Variants in ROBO2 observed in about 807,000 individuals in gnomAD.
ROBO2 encodes the protein roundabout guidance receptor 2.
Under a neutral mutation model 160.8 loss-of-function variants are expected in ROBO2, and 53 were observed. That is an observed-to-expected ratio of 0.33 (90% confidence interval 0.26 to 0.41). The LOEUF (loss-of-function observed/expected upper bound fraction) is 0.41, where lower values mean the gene tolerates loss of function less well. ROBO2 is among the 10% of genes least tolerant of loss of function. ROBO2 has a pLI of 1.00. For missense variants in ROBO2, 1,577 were observed against 1,722.4 expected (o/e 0.92, Z 1.49); for synonymous variants, 664 against 611.7 (o/e 1.09, Z -1.26).
chr3:75,960,565 G>A (rs1482670503), intron 2 of ROBO2, among the ~76,000 whole-genome samples: 3 of 151,512 alleles, frequency 2.0e-5, no homozygotes, highest in Non-Finnish European at 1.5e-5. Flanking sequence ...AAATTTTCTC[G>A]ACATTTTTGT....
chr3:76,445,811 A>T (rs1286722897), intron 2 of ROBO2, among the ~76,000 whole-genome samples: 1 of 152,144 alleles, frequency 6.6e-6, no homozygotes, highest in Non-Finnish European at 1.5e-5. Flanking sequence ...TCAACAGATG[A>T]AGAAAAGGCC....
At position 76,646,600 on chromosome 3, in the gene ROBO2, T is replaced by C. The variant is rs369850347; in HGVS notation, c.110-451414T>C. 7.2e-4 allele frequency among the ~76,000 whole-genome samples: 110 copies of C among 152,294 alleles called. 1 individual carries two copies. In the South Asian group the frequency reaches 8.5e-3, roughly 12 times the overall value. On this transcript the variant is annotated intron_variant, in intron 2 of 26. Coordinates refer to the ROBO2 transcript ENST00000487694. ...AATATGAATATGCAATTAAAGTATT[T>C]AGCACAATTCCTAACACAGAGTAAA...
chr3:77,457,114 C>A (rs561282675), intron 2 of ROBO2, among the ~76,000 whole-genome samples: 1 of 152,144 alleles, frequency 6.6e-6, no homozygotes, highest in South Asian at 2.1e-4. Flanking sequence ...CTATTAGCCC[C>A]GCTTGAGTAG....
At chr3:77,036,852 G>A (rs2063665995), upstream of ROBO2, among the ~76,000 whole-genome samples, 1 of 151,630 alleles carries the variant, frequency 6.6e-6, no homozygotes. Context: ...TTTGGCTTAA[G>A]GAAAACCTTA....
intron 2 of ROBO2, among the ~76,000 whole-genome samples, chr3:76,132,159 A>G (rs1055925461): frequency 2.0e-5 from 3 of 152,054 alleles, no homozygotes; most frequent in Non-Finnish European, 4.4e-5. Flanking sequence ...CCGCACAGGG[A>G]AGAGGCACAT....
chr3:77,485,817 A>C (rs2085284040), intron 4 of ROBO2, among the ~76,000 whole-genome samples: 1 of 152,142 alleles, frequency 6.6e-6, no homozygotes, highest in Non-Finnish European at 1.5e-5. Flanking sequence ...CATGTGCAGG[A>C]TGTGTAGGTT....
At position 77,506,596 on chromosome 3, in the gene ROBO2, T is replaced by C. The variant is rs887741146; in HGVS notation, c.806+13214T>C. On this transcript the variant is annotated intron_variant, in intron 5 of 25. Transcript: ENST00000461745. ...CCACATTTGGGAGATTGGGTGCTAC[T>C]GGCATCTAGTGGGTAGACACCAAGA... Among the ~76,000 whole-genome samples, 31 of 152,172 alleles carry C rather than the reference T, an allele frequency of 2.0e-4. 1 individual carries two copies. The highest frequency in any genetic ancestry group is 2.0e-3 in the Admixed American group (31 of 15,260).
intron 2 of ROBO2, among the ~76,000 whole-genome samples, chr3:76,331,927 GC>G (rs964887590): frequency 6.6e-6 from 1 of 151,910 alleles, no homozygotes; most frequent in African/African-American, 2.4e-5. Context: ...CAGGTGATCC[GC>G]CCAGCTCGAC....
chr3:76,559,951 G>A (rs1414262234), intron 2 of ROBO2, among the ~76,000 whole-genome samples: 1 of 152,118 alleles, frequency 6.6e-6, no homozygotes, highest in Non-Finnish European at 1.5e-5. Context: ...TGGACTCTGT[G>A]CAGTTTTCCA....
intron 2 of ROBO2, among the ~76,000 whole-genome samples, chr3:76,440,913 C>T (rs1209667450): frequency 6.6e-6 from 1 of 151,050 alleles, no homozygotes; most frequent in East Asian, 1.9e-4. Context: ...TGGCATGTGG[C>T]AATGTTTCTT....
rs944417831 is a variant in ROBO2, at chr3:77,300,309, T to G, written c.389-177105T>G. 3.3e-5 allele frequency among the ~76,000 whole-genome samples: 5 copies of G among 152,142 alleles called. No homozygotes were observed. The East Asian group carries it at 9.7e-4, about 29-fold the overall frequency. On this transcript the variant is annotated intron_variant, in intron 2 of 25. Coordinates refer to ENST00000461745, the Ensembl canonical transcript of ROBO2. ...AGAAAGAGTTATTTGGAGAGTTGATTTAGTTTATAGAGCAGCTACTCAGAA... is the reference window on the plus strand; with the variant it reads ...AGAAAGAGTTATTTGGAGAGTTGATGTAGTTTATAGAGCAGCTACTCAGAA...
At chr3:76,363,294 C>G (rs766133105) in intron 2 of ROBO2, among the ~76,000 whole-genome samples, 5 of 151,910 alleles carry the variant, frequency 3.3e-5, no homozygotes, top group Admixed American at 2.6e-4. Flanking sequence ...CATCTTGAAC[C>G]TCTAGCACAG....
At chr3:77,134,178 A>G (rs935020262) in intron 2 of ROBO2, among the ~76,000 whole-genome samples, 9 of 150,486 alleles carry the variant, frequency 6.0e-5, no homozygotes, top group Non-Finnish European at 1.2e-4. Flanking sequence ...CTTTGGCTCA[A>G]AAAAAAAAGG....
At chr3:77,217,270 G>A (rs2085102356) in intron 2 of ROBO2, among the ~76,000 whole-genome samples, 1 of 152,024 alleles carries the variant, frequency 6.6e-6, no homozygotes, top group Admixed American at 6.6e-5. Context: ...AGCCTCCCAA[G>A]TAGCTAAGAC....
chr3:76,055,668 G>A (rs1362152091), intron 2 of ROBO2, among the ~76,000 whole-genome samples: 1 of 152,168 alleles, frequency 6.6e-6, no homozygotes, highest in Non-Finnish European at 1.5e-5. Context: ...CAAAGGGCAT[G>A]ATTTTATTAT....
In ROBO2 at chr3:76,757,811, G is replaced by A. The variant is rs149799304; in HGVS notation, c.110-340203G>A. Reference sequence around the variant, plus strand: ...ACAGAGTTCACTCAGAAGAGGTGAGGAAGAGGAAATGAGGACTAAAACTTG... The same window carrying A: ...ACAGAGTTCACTCAGAAGAGGTGAGAAAGAGGAAATGAGGACTAAAACTTG... On this transcript the variant is annotated intron_variant, in intron 2 of 26. Coordinates refer to the ROBO2 transcript ENST00000487694. Among the ~76,000 whole-genome samples the A allele has an allele frequency of 3.6e-3, 542 of 151,854 alleles. 4 individuals carry two copies. Among genetic ancestry groups the A allele is most frequent in the African/African-American group, 0.013 (519 of 41,472 alleles).
chr3:76,276,928 G>A (rs1707959256), intron 2 of ROBO2, among the ~76,000 whole-genome samples: 1 of 151,814 alleles, frequency 6.6e-6, no homozygotes. Context: ...TCTCGGGGAT[G>A]GGACCCAATT....
intron 2 of ROBO2, among the ~76,000 whole-genome samples, chr3:76,058,121 T>C (rs1381612540): frequency 6.6e-6 from 1 of 152,080 alleles, no homozygotes; most frequent in Non-Finnish European, 1.5e-5. Context: ...TCTTAAACTA[T>C]ACTTTCAGTT....
intron 2 of ROBO2, among the ~76,000 whole-genome samples, chr3:76,414,677 TAGTG>T (rs931609400): frequency 6.8e-6 from 1 of 146,464 alleles, no homozygotes; most frequent in Non-Finnish European, 1.5e-5. Flanking sequence ...GATGATGAGT[TAGTG>T]GGTGCAGCGC....
Sources: allele counts gnomAD v4.1 joint callset (sites outside exome capture counted in the v4.1 genomes callset), GRCh38; gene constraint gnomAD v4.1.1; transcripts MANE v1.5; gene names NCBI Gene and HGNC (gene_info 2026-07-23, HGNC 2026-07-21).